Variants in COX7B2 observed in about 807,000 individuals in gnomAD.
COX7B2 encodes cytochrome c oxidase subunit 7B2.
For missense variants in COX7B2, 109 were observed against 95.9 expected, an observed-to-expected ratio of 1.14 and a Z score of -0.57; for synonymous variants, 37 against 32.1, an observed-to-expected ratio of 1.15 and a Z score of -0.51.
chr4:46,829,125 T>C (rs1025357600), intron 2 of COX7B2, among the ~76,000 whole-genome samples: 3 of 152,128 alleles, frequency 2.0e-5, no homozygotes, highest in African/African-American at 7.2e-5. Flanking sequence ...AACATCAAAG[T>C]CTCATTTCAT....
intron 1 of COX7B2, among the ~76,000 whole-genome samples, chr4:46,883,244 C>T (rs1456090371): frequency 6.6e-6 from 1 of 152,152 alleles, no homozygotes; most frequent in East Asian, 1.9e-4. Flanking sequence ...CATTTGCTTT[C>T]AATTGCTTTG....
intron 2 of COX7B2, among the ~76,000 whole-genome samples, chr4:46,794,784 A>G (rs890217159): frequency 2.6e-5 from 4 of 152,210 alleles, no homozygotes; most frequent in Non-Finnish European, 4.4e-5. Flanking sequence ...TGTTGGCTAA[A>G]TGACTACGGT....
chr4:46,901,050 G>C (rs1720043701), intron 1 of COX7B2, among the ~76,000 whole-genome samples: 1 of 152,022 alleles, frequency 6.6e-6, no homozygotes, highest in African/African-American at 2.4e-5. Flanking sequence ...TGATTACCTA[G>C]CCTAGCATAA....
At chr4:46,818,301 T>C (rs1025185324) in intron 2 of COX7B2, among the ~76,000 whole-genome samples, 1 of 152,120 alleles carries the variant, frequency 6.6e-6, no homozygotes, top group African/African-American at 2.4e-5. Flanking sequence ...GTTCAGAGAA[T>C]TGCAGTGAAC....
intron 1 of COX7B2, among the ~76,000 whole-genome samples, chr4:46,877,417 C>T (rs771020629): frequency 3.3e-5 from 5 of 152,128 alleles, no homozygotes; most frequent in Non-Finnish European, 7.4e-5. Context: ...ATCTTTTCTT[C>T]TTTGGTATAG....
rs191482201 is a variant in COX7B2, at chr4:46,844,396, A to G, written c.-50+564T>C. 4.1e-3 allele frequency among the ~76,000 whole-genome samples: 619 copies of G among 152,086 alleles called. 24 individuals are homozygous for G. Among genetic ancestry groups the G allele is most frequent in the Admixed American group, 0.038 (578 of 15,226 alleles). On this transcript the variant is annotated intron_variant, in intron 2 of 2. Transcript: ENST00000355591. ...ATTAAATACAAATGTCTAGATGGTT[A>G]CACACCATACTGACCAAGTCAACCC...
At chr4:46,755,652 A>G (rs1015174515) in intron 2 of COX7B2, among the ~76,000 whole-genome samples, 3 of 152,150 alleles carry the variant, frequency 2.0e-5, no homozygotes, top group African/African-American at 7.2e-5. Context: ...AGAAATTGGT[A>G]GTATTTCTAT....
chr4:46,833,156 C>T (rs1222304704), intron 2 of COX7B2, among the ~76,000 whole-genome samples: 8 of 152,168 alleles, frequency 5.3e-5, no homozygotes, highest in Admixed American at 6.5e-5. Context: ...CCACCCACCT[C>T]GGCCTCCCAG....
intron 2 of COX7B2, among the ~76,000 whole-genome samples, chr4:46,809,352 G>C (rs1159584822): frequency 6.6e-6 from 1 of 151,386 alleles, no homozygotes; most frequent in East Asian, 1.9e-4. Flanking sequence ...AGTTCCTTGA[G>C]GCTTAATGTT....
At chr4:46,794,728 G>C (rs920428594) in intron 2 of COX7B2, among the ~76,000 whole-genome samples, 5 of 152,170 alleles carry the variant, frequency 3.3e-5, no homozygotes, top group African/African-American at 1.2e-4. Context: ...ATGGAGAGCA[G>C]AGTCAAAACA....
rs372856051 is a variant in COX7B2, at chr4:46,734,920, A to T, written c.*27T>A. 1 of 1,613,624 alleles carries T rather than the reference A, an allele frequency of 6.2e-7. No homozygotes were observed. The highest frequency in any genetic ancestry group is 8.5e-7 in the Non-Finnish European group (1 of 1,179,790). On this transcript the variant is annotated 3_prime_UTR_variant, in exon 3 of 3. Coordinates refer to ENST00000355591, the MANE Select transcript of COX7B2 (RefSeq NM_130902.3). ...ACATGACAAGTTGGTTTTTTAAACA[A>T]TTCTGTCATTACAGCAACTGTGATG... is the stretch of plus-strand genomic sequence containing the variant.
At chr4:46,832,800 A>G (rs894252594) in intron 2 of COX7B2, among the ~76,000 whole-genome samples, 1 of 152,030 alleles carries the variant, frequency 6.6e-6, no homozygotes, top group Non-Finnish European at 1.5e-5. Flanking sequence ...CGTGTGACCC[A>G]CTAGCTCCCC....
intron 2 of COX7B2, among the ~76,000 whole-genome samples, chr4:46,772,604 G>A (rs534941048): frequency 1.3e-5 from 2 of 152,112 alleles, no homozygotes; most frequent in East Asian, 3.9e-4. Flanking sequence ...AGCTGGGAAG[G>A]AGGAAAAAAG....
chr4:46,830,467 T>G (rs1715002409), intron 2 of COX7B2, among the ~76,000 whole-genome samples: 1 of 152,084 alleles, frequency 6.6e-6, no homozygotes, highest in Admixed American at 6.5e-5. Flanking sequence ...ACTATTTTAG[T>G]CTGGGTATTT....
chr4:46,834,740 T>A (rs976899172), intron 2 of COX7B2, among the ~76,000 whole-genome samples: 4 of 152,000 alleles, frequency 2.6e-5, no homozygotes, highest in African/African-American at 9.7e-5. Flanking sequence ...GTGCATAATA[T>A]TACTAAAAGA....
At chr4:46,860,163 A>T (rs973317063) in intron 1 of COX7B2, among the ~76,000 whole-genome samples, 1 of 152,192 alleles carries the variant, frequency 6.6e-6, no homozygotes, top group African/African-American at 2.4e-5. Context: ...AAGATGGTAA[A>T]GCGAGGTGGC....
chr4:46,889,762 C>T (rs1719313654), intron 1 of COX7B2, among the ~76,000 whole-genome samples: 1 of 152,118 alleles, frequency 6.6e-6, no homozygotes, highest in South Asian at 2.1e-4. Flanking sequence ...AACAAAGGTG[C>T]TCAGTAAATA....
chr4:46,879,513 A>G (rs1718569316), intron 1 of COX7B2, among the ~76,000 whole-genome samples: 1 of 149,892 alleles, frequency 6.7e-6, no homozygotes, highest in African/African-American at 2.5e-5. Flanking sequence ...AAGTGCTGAG[A>G]TTATAGGCCA....
At chr4:46,744,116 T>C (rs1244662156) in intron 2 of COX7B2, among the ~76,000 whole-genome samples, 1 of 152,130 alleles carries the variant, frequency 6.6e-6, no homozygotes, top group Non-Finnish European at 1.5e-5. Flanking sequence ...TAGTTTTTTT[T>C]TTGTATAAAC....
Sources: gnomAD v4.1 joint callset for allele counts (sites outside exome capture counted in the v4.1 genomes callset) on GRCh38, gnomAD v4.1.1 for gene constraint, MANE v1.5 for transcripts, NCBI Gene and HGNC (gene_info 2026-07-23, HGNC 2026-07-21) for gene names.